CTNND2: variants seen among roughly 807,000 people sequenced by gnomAD.
CTNND2 encodes the protein catenin delta 2.
Under a neutral mutation model 144.4 loss-of-function variants are expected in CTNND2, and 22 were observed. The observed-to-expected ratio is 0.15, with a 90% CI of 0.11 to 0.22. The LOEUF is 0.22. Among genes scored for constraint, CTNND2 ranks in the 10% least tolerant of loss-of-function variants. CTNND2 has a pLI of 1.00. For missense variants in CTNND2, 1,353 were observed against 1,618.8 expected (o/e 0.84, Z 2.82); for synonymous variants, 751 against 695.6 (o/e 1.08, Z -1.25).
intron 2 of CTNND2, among the ~76,000 whole-genome samples, chr5:11,717,390 A>G (rs1259676093): frequency 6.6e-6 from 1 of 151,108 alleles, no homozygotes; most frequent in Non-Finnish European, 1.5e-5. Context: ...CCTGGCCAAC[A>G]TGGTGAAGCC....
chr5:11,679,893 C>T (rs984169855), intron 2 of CTNND2, among the ~76,000 whole-genome samples: 1 of 152,220 alleles, frequency 6.6e-6, no homozygotes, highest in Non-Finnish European at 1.5e-5. Flanking sequence ...AACCAAACAG[C>T]TAGTAACACA....
chr5:11,300,329 CTGGAAGG>C (rs1406284124), intron 9 of CTNND2, among the ~76,000 whole-genome samples: 1 of 152,196 alleles, frequency 6.6e-6, no homozygotes, highest in African/African-American at 2.4e-5. Context: ...ACTTCACAGC[CTGGAAGG>C]TCCAAGCAAA....
At chr5:11,875,310 T>C (rs1283938920) in intron 1 of CTNND2, among the ~76,000 whole-genome samples, 2 of 152,228 alleles carry the variant, frequency 1.3e-5, no homozygotes, top group Non-Finnish European at 2.9e-5. Flanking sequence ...TAATTCACTA[T>C]TGAATTTTTG....
chr5:11,599,858 C>A (rs1446127954), intron 2 of CTNND2, among the ~76,000 whole-genome samples: 1 of 152,094 alleles, frequency 6.6e-6, no homozygotes, highest in Admixed American at 6.6e-5. Flanking sequence ...GCCCAGGAAC[C>A]ATAAAAGTGG....
chr5:11,087,233 T>C (rs545107441), intron 15 of CTNND2, among the ~76,000 whole-genome samples: 1 of 152,340 alleles, frequency 6.6e-6, no homozygotes, highest in East Asian at 1.9e-4. Flanking sequence ...TGTTTCTGAA[T>C]TTATTTACAA....
chr5:11,435,364 G>A (rs970028209), intron 3 of CTNND2, among the ~76,000 whole-genome samples: 16 of 151,856 alleles, frequency 1.1e-4, no homozygotes, highest in African/African-American at 3.4e-4. Context: ...AGATGGTCTC[G>A]ATCTCCTGAC....
chr5:11,052,724 G>T (rs893947277), intron 16 of CTNND2, among the ~76,000 whole-genome samples: 24 of 152,124 alleles, frequency 1.6e-4, no homozygotes, highest in Non-Finnish European at 3.2e-4. Flanking sequence ...TTCAGCAACA[G>T]GTTGTGTTGA....
intron 2 of CTNND2, among the ~76,000 whole-genome samples, chr5:11,599,807 C>T (rs1779690752): frequency 6.6e-6 from 1 of 152,104 alleles, no homozygotes; most frequent in South Asian, 2.1e-4. Flanking sequence ...AGAAATGGCA[C>T]ACTGATTTGG....
At chr5:11,762,011 T>C (rs1789292733) in intron 1 of CTNND2, among the ~76,000 whole-genome samples, 1 of 152,180 alleles carries the variant, frequency 6.6e-6, no homozygotes, top group African/African-American at 2.4e-5. Flanking sequence ...AAAATTGTGT[T>C]ATCCACAGGC....
intron 9 of CTNND2, among the ~76,000 whole-genome samples, chr5:11,307,673 GA>G (rs34421635): frequency 2.0e-5 from 3 of 151,978 alleles, no homozygotes; most frequent in Non-Finnish European, 4.4e-5. Flanking sequence ...GTCTAATGAT[GA>G]AAAAAGTATC....
intron 1 of CTNND2, among the ~76,000 whole-genome samples, chr5:11,737,897 T>G (rs1422257886): frequency 6.6e-6 from 1 of 152,250 alleles, no homozygotes; most frequent in Non-Finnish European, 1.5e-5. Flanking sequence ...GGTGGCCTAC[T>G]GGCACCTTGA....
intron 2 of CTNND2, among the ~76,000 whole-genome samples, chr5:11,615,945 T>C (rs1416619995): frequency 6.6e-6 from 1 of 152,200 alleles, no homozygotes; most frequent in Non-Finnish European, 1.5e-5. Flanking sequence ...TTTAGCACCA[T>C]GAGATGGTCC....
intron 12 of CTNND2, among the ~76,000 whole-genome samples, chr5:11,143,342 T>G (rs545272765): frequency 6.6e-6 from 1 of 152,146 alleles, no homozygotes; most frequent in Non-Finnish European, 1.5e-5. Context: ...AACAGAAATG[T>G]ATTGTTTCAC....
intron 11 of CTNND2, among the ~76,000 whole-genome samples, chr5:11,188,098 C>T (rs61751822): frequency 9.9e-5 from 15 of 152,218 alleles, no homozygotes; most frequent in African/African-American, 3.4e-4. Context: ...AATCCCATTA[C>T]TAAGTATATA....
intron 21 of CTNND2, among the ~76,000 whole-genome samples, chr5:10,981,537 C>T (rs1737248318): frequency 1.3e-5 from 2 of 152,044 alleles, no homozygotes; most frequent in African/African-American, 2.4e-5. Flanking sequence ...CCAGATCAAG[C>T]ATGAGGTTCA....
At chr5:11,686,447 G>A (rs1478424187) in intron 2 of CTNND2, among the ~76,000 whole-genome samples, 2 of 152,074 alleles carry the variant, frequency 1.3e-5, no homozygotes, top group Non-Finnish European at 2.9e-5. Flanking sequence ...TTTTAGGGAA[G>A]ACATGTGCTA....
intron 16 of CTNND2, among the ~76,000 whole-genome samples, chr5:11,060,612 C>T (rs184961062): frequency 1.3e-5 from 2 of 152,254 alleles, no homozygotes; most frequent in East Asian, 3.9e-4. Flanking sequence ...GGTGGATAAA[C>T]AGCCAAGATG....
chr5:11,566,027 T>G (rs1288224082), intron 2 of CTNND2, among the ~76,000 whole-genome samples: 2 of 152,170 alleles, frequency 1.3e-5, no homozygotes, highest in Non-Finnish European at 2.9e-5. Flanking sequence ...TTTGGAGAAT[T>G]TAAACTCAAA....
intron 2 of CTNND2, among the ~76,000 whole-genome samples, chr5:11,659,111 G>A (rs1256115497): frequency 2.0e-5 from 3 of 151,830 alleles, no homozygotes; most frequent in Non-Finnish European, 2.9e-5. Flanking sequence ...ACCAACGGCA[G>A]ATCAAAATTA....
Sources: allele counts gnomAD v4.1 joint callset (sites outside exome capture counted in the v4.1 genomes callset), GRCh38; gene constraint gnomAD v4.1.1; transcripts MANE v1.5; gene names NCBI Gene and HGNC (gene_info 2026-07-23, HGNC 2026-07-21).